Variants in MAPK8IP3 observed in about 807,000 individuals in gnomAD.
MAPK8IP3 encodes the protein mitogen-activated protein kinase 8 interacting protein 3.
In MAPK8IP3, 49 loss-of-function variants were observed where a neutral mutation model predicts 157.8. The ratio of observed to expected loss-of-function variants is 0.31; its 90% CI spans 0.25 to 0.39. The LOEUF (loss-of-function observed/expected upper bound fraction) is 0.39, where lower values mean the gene tolerates loss of function less well. MAPK8IP3 is among the 10% of genes least tolerant of loss of function. MAPK8IP3 has a pLI of 1.00. For missense variants in MAPK8IP3, 1,478 were observed against 1,889.4 expected (o/e 0.78, Z 4.04); for synonymous variants, 897 against 777.7 (o/e 1.15, Z -2.55).
chr16:1,758,309 G>C (rs762232250), intron 9 of MAPK8IP3, 150 bp downstream of exon 9: 1 of 845,686 alleles, frequency 1.2e-6, no homozygotes, highest in Admixed American at 2.4e-5. Flanking sequence ...AGCCACCGCC[G>C]CTCGGAAGCT....
intron 2 of MAPK8IP3, among the ~76,000 whole-genome samples, chr16:1,728,379 T>C (rs938197737): frequency 1.3e-5 from 2 of 152,222 alleles, no homozygotes; most frequent in Non-Finnish European, 2.9e-5. Flanking sequence ...TCCAGGAGGT[T>C]ACTCACTTTG....
At chr16:1,740,417 CGCT>C (rs1441388978) in intron 4 of MAPK8IP3, among the ~76,000 whole-genome samples, 5 of 150,692 alleles carry the variant, frequency 3.3e-5, no homozygotes, top group South Asian at 2.1e-4. Context: ...CGTGTGCACA[CGCT>C]GCTGCCCACA....
intron 4 of MAPK8IP3, among the ~76,000 whole-genome samples, chr16:1,734,176 C>G (rs1030154667): frequency 2.6e-5 from 4 of 152,286 alleles, no homozygotes; most frequent in Admixed American, 2.0e-4. Flanking sequence ...CAGATCTCCA[C>G]AGCACGTGAG....
At chr16:1,761,020 G>A (rs1385452451) in intron 12 of MAPK8IP3, among the ~76,000 whole-genome samples, 1 of 152,236 alleles carries the variant, frequency 6.6e-6, no homozygotes, top group African/African-American at 2.4e-5. Flanking sequence ...TCATGCAGCA[G>A]TGGCTCAGGG....
At chr16:1,709,709 A>G (rs2037640884) in intron 1 of MAPK8IP3, among the ~76,000 whole-genome samples, 2 of 152,248 alleles carry the variant, frequency 1.3e-5, no homozygotes, top group South Asian at 4.1e-4. Flanking sequence ...CTCCACACGC[A>G]CCGTCCGGTG....
intron 20 of MAPK8IP3, among the ~76,000 whole-genome samples, chr16:1,765,720 G>A (rs1185508686): frequency 1.3e-5 from 2 of 152,192 alleles, no homozygotes; most frequent in African/African-American, 4.8e-5. Flanking sequence ...CCCAGAACCA[G>A]AGTCTTACTA....
intron 4 of MAPK8IP3, among the ~76,000 whole-genome samples, chr16:1,732,547 C>T (rs2039383972): frequency 1.3e-5 from 2 of 152,254 alleles, no homozygotes. Context: ...AGCAGGTCCT[C>T]AGGCAGTCTC....
chr16:1,768,281 G>C lies in MAPK8IP3; in HGVS notation c.3645G>C (p.Arg1215Ser), dbSNP rs771795279. 6.2e-7 allele frequency: 1 copy of C among 1,611,550 alleles called. No individual in the cohort carries two copies. Among genetic ancestry groups the C allele is most frequent in the Non-Finnish European group, 8.5e-7 (1 of 1,179,990 alleles). Residue 1215 changes from arginine to serine, a missense_variant, in exon 30 of 32, where the codon AGG becomes AGC. Arg to Ser is a moderately radical substitution (Grantham distance 110). This residue lies in a region of MAPK8IP3 where 83 missense variants were observed against 85.3 expected (regional missense o/e 0.97). Coordinates refer to ENST00000610761, the MANE Select transcript of MAPK8IP3 (RefSeq NM_001318852.2). ...IHVYGDDSSD[R>S]AASSFIPYCS... is the part of the protein sequence containing the mutation. ...TGTATGGCGATGACAGCAGTGACAG[G>C]GCGGCCAGCAGCTTCATCCCCTACT...
chr16:1,755,026 A>G (rs1226128016), intron 8 of MAPK8IP3, among the ~76,000 whole-genome samples: 1 of 152,226 alleles, frequency 6.6e-6, no homozygotes, highest in African/African-American at 2.4e-5. Context: ...AATGGATCTG[A>G]AGTTGATCCA....
At chr16:1,757,434 T>C (rs1030905148) in intron 8 of MAPK8IP3, among the ~76,000 whole-genome samples, 4 of 152,210 alleles carry the variant, frequency 2.6e-5, no homozygotes, top group African/African-American at 9.6e-5. Flanking sequence ...TTTTCCTTTC[T>C]GTGTGAAACA....
chr16:1,764,238 T>C, intron 18 of MAPK8IP3, 28 bp downstream of exon 18: 1 of 1,604,696 alleles, frequency 6.2e-7, no homozygotes, highest in Non-Finnish European at 8.5e-7. Flanking sequence ...CCGCTCAGGC[T>C]GGCTGGGCGA....
At chr16:1,709,752 C>T (rs909359242) in intron 1 of MAPK8IP3, among the ~76,000 whole-genome samples, 4 of 152,390 alleles carry the variant, frequency 2.6e-5, no homozygotes, top group African/African-American at 7.2e-5. Context: ...AGAGCCACCA[C>T]GTTTGCCGGG....
intron 1 of MAPK8IP3, among the ~76,000 whole-genome samples, chr16:1,715,759 C>T (rs1284038132): frequency 1.3e-5 from 2 of 150,922 alleles, no homozygotes; most frequent in African/African-American, 4.9e-5. Flanking sequence ...GATGGAGTCT[C>T]ACTCTGTCGC....
intron 8 of MAPK8IP3, among the ~76,000 whole-genome samples, chr16:1,756,626 AC>A (rs2041615513): frequency 3.3e-5 from 1 of 30,606 alleles, no homozygotes. Context: ...TTACTAAAAC[AC>A]ACACACACAC....
In MAPK8IP3 at chr16:1,741,107, C is replaced by T. The variant is rs2040649799; in HGVS notation, c.603-2225C>T. Among the ~76,000 whole-genome samples the T allele has an allele frequency of 6.6e-6, 1 of 152,162 alleles. No homozygotes were observed. The highest frequency in any genetic ancestry group is 1.5e-5 in the Non-Finnish European group (1 of 68,006). ...CCTCTCTGCATCAGTCGGACCTGGA[C>T]TCATAGCCCAGCTCCCTCACTCACC... On this transcript the variant is annotated intron_variant, in intron 4 of 31. Transcript: ENST00000610761. This position sits in a 1 kb window ranked among gnomAD's most constrained non-coding sequence, Gnocchi z 6.9.
chr16:1,736,304 GTCCGTGTGAGCGTGTGACCGTGTGAGCA>G, intron 4 of MAPK8IP3, among the ~76,000 whole-genome samples: 1 of 82,206 alleles, frequency 1.2e-5, no homozygotes, highest in Middle Eastern at 8.6e-3. Context: ...GACCGTGAGC[GTCCGTGTGAGCGTGTGACCGTGTGAGCA>G]TCCGTGTGAG....
intron 4 of MAPK8IP3, among the ~76,000 whole-genome samples, chr16:1,740,182 G>A (rs1248172130): frequency 7.4e-6 from 1 of 134,572 alleles, no homozygotes; most frequent in Non-Finnish European, 1.6e-5. Flanking sequence ...CTGTGTGACC[G>A]TTCGTGTGAG....
chr16:1,764,318 C>T lies in MAPK8IP3; in HGVS notation c.2139C>T (p.Gly713=), dbSNP rs370857322. Residue 713 remains glycine (G), a synonymous_variant, in exon 19 of 32, where the codon GGC becomes GGT. Transcript: ENST00000610761. ...DPTMKLWCAA[G]VNLSGWRPNE... ...CCTTGCAGCTGTGGTGTGCCGCGGG[C>T]GTCAACCTGAGCGGGTGGAGGCCCA... 5.1e-6 allele frequency: 8 copies of T among 1,576,138 alleles called. No individual in the cohort carries two copies. In the African/African-American group the frequency reaches 9.5e-5, roughly 19 times the overall value.
intron 1 of MAPK8IP3, among the ~76,000 whole-genome samples, chr16:1,722,557 C>T (rs1265351722): frequency 6.6e-6 from 1 of 152,122 alleles, no homozygotes; most frequent in Non-Finnish European, 1.5e-5. Flanking sequence ...TTCTGAGAAA[C>T]TCTTTTGTCT....
Sources: gnomAD v4.1 joint callset for allele counts (sites outside exome capture counted in the v4.1 genomes callset) on GRCh38, gnomAD v4.1.1 for gene constraint, gnomAD v4.1.1 regional missense constraint, Gnocchi (gnomAD v3.1) non-coding constraint, MANE v1.5 for transcripts, NCBI Gene and HGNC (gene_info 2026-07-23, HGNC 2026-07-21) for gene names.